The following SORBS2 variants were observed in gnomAD, a reference collection of about 807,000 sequenced individuals.
The protein encoded by SORBS2 is sorbin and SH3 domain-containing protein 2.
SORBS2 carries 46 observed loss-of-function variants against 97.7 expected under a neutral mutation model. That is an observed-to-expected ratio of 0.47 (90% CI 0.37 to 0.60). SORBS2 has a LOEUF of 0.60. SORBS2 is among the 20% of genes least tolerant of loss of function. SORBS2 has a pLI of 0.00. For missense variants in SORBS2, 1,316 were observed against 1,282.3 expected, an observed-to-expected ratio of 1.03 and a Z score of -0.40; for synonymous variants, 476 against 473.4, an observed-to-expected ratio of 1.01 and a Z score of -0.07.
At position 185,868,155 on chromosome 4, in the gene SORBS2, C is replaced by CTTTTTTTTTTTTTTTTTTTTT. The variant is rs1431293135; in HGVS notation, c.-338+88040_-338+88041insAAAAAAAAAAAAAAAAAAAAA. 2.2e-4 allele frequency among the ~76,000 whole-genome samples: 22 copies of CTTTTTTTTTTTTTTTTTTTTT among 100,718 alleles called. 3 individuals are homozygous for CTTTTTTTTTTTTTTTTTTTTT. Among genetic ancestry groups the CTTTTTTTTTTTTTTTTTTTTT allele is most frequent in the Non-Finnish European group, 3.2e-4 (17 of 53,306 alleles). The allele number at this position is 100,718 out of a possible 152,430, so 66.1% of individuals were successfully genotyped here. A position where few individuals can be genotyped will look rare whatever the true frequency, so the allele number is the denominator to read the frequency against. On this transcript the variant is annotated intron_variant, in intron 1 of 20. Transcript: ENST00000284776. ...CCTTTCTCTTTTCTTTTCTTTTTTT[C>CTTTTTTTTTTTTTTTTTTTTT]TTTCTTTTTTTTTTTTTTTGAGGCA...
chr4:185,593,596 C>T, intron 13 of SORBS2: 1 of 361,306 alleles, frequency 2.8e-6, no homozygotes, highest in East Asian at 5.5e-5. Flanking sequence ...ACACAGCCAG[C>T]AGAGCAGAGA....
intron 2 of SORBS2, among the ~76,000 whole-genome samples, chr4:185,769,049 A>G (rs2098954047): frequency 6.6e-6 from 1 of 152,190 alleles, no homozygotes; most frequent in Admixed American, 6.5e-5. Context: ...CATGAAATGT[A>G]CAAAATGATG....
At chr4:185,819,401 C>T (rs1457604160) in intron 1 of SORBS2, among the ~76,000 whole-genome samples, 3 of 152,184 alleles carry the variant, frequency 2.0e-5, no homozygotes, top group Non-Finnish European at 4.4e-5. Context: ...CTTGAGTTGG[C>T]CTCTTTGAAG....
exon 1 of SORBS2, chr4:185,656,696 T>C (rs1211433737): frequency 1.9e-6 from 3 of 1,549,344 alleles, no homozygotes; most frequent in African/African-American, 1.4e-5. Flanking sequence ...GTGGACTTGG[T>C]CAGCCAGCTG....
chr4:185,587,736 TC>T, intron 14 of SORBS2, 48 bp from the exon 27 acceptor site: 1 of 1,413,892 alleles, frequency 7.1e-7, no homozygotes, highest in Non-Finnish European at 1.0e-6. Flanking sequence ...CGATATCAGT[TC>T]ATACACATGG....
At chr4:185,879,143 G>A (rs1307777959) in intron 1 of SORBS2, among the ~76,000 whole-genome samples, 1 of 137,308 alleles carries the variant, frequency 7.3e-6, no homozygotes, top group Non-Finnish European at 1.5e-5. Flanking sequence ...TTTACATTAG[G>A]TATATCTCCT....
chr4:185,916,842 G>C (rs533666606), intron 1 of SORBS2, among the ~76,000 whole-genome samples: 1 of 152,166 alleles, frequency 6.6e-6, no homozygotes, highest in Non-Finnish European at 1.5e-5. Flanking sequence ...TATACAACTC[G>C]TCAAATCCTT....
chr4:185,918,934 T>G (rs2099259656), intron 1 of SORBS2, among the ~76,000 whole-genome samples: 1 of 152,194 alleles, frequency 6.6e-6, no homozygotes, highest in African/African-American at 2.4e-5. Flanking sequence ...GTAACTGGAA[T>G]GAGTCCACAG....
intron 1 of SORBS2, among the ~76,000 whole-genome samples, chr4:185,807,192 TA>T (rs1650927132): frequency 6.6e-6 from 1 of 152,180 alleles, no homozygotes; most frequent in South Asian, 2.1e-4. Flanking sequence ...TAAGTTTCCC[TA>T]AATTATAATA....
At position 185,728,676 on chromosome 4, in the gene SORBS2, T is replaced by C. The variant is rs1278526448; in HGVS notation, c.-198+46551A>G. Among the ~76,000 whole-genome samples the C allele has an allele frequency of 3.9e-5, 6 of 152,184 alleles. 1 individual carries two copies. Among genetic ancestry groups the C allele is most frequent in the Admixed American group, 3.3e-4 (5 of 15,276 alleles). ...CTAATTCTAAAGTTAATCATGGCGATTCTCAGATCAGGGAGAAAATTAATT... is the reference window on the plus strand; with the variant it reads ...CTAATTCTAAAGTTAATCATGGCGACTCTCAGATCAGGGAGAAAATTAATT... On this transcript the variant is annotated intron_variant, in intron 2 of 20. Transcript: ENST00000284776.
At chr4:185,724,007 A>C (rs1307639842) in intron 2 of SORBS2, among the ~76,000 whole-genome samples, 4 of 152,218 alleles carry the variant, frequency 2.6e-5, no homozygotes, top group African/African-American at 9.6e-5. Flanking sequence ...TCAGCACCTG[A>C]CATTCCAAGT....
At chr4:185,599,820 A>G (rs1400778436) in intron 12 of SORBS2, among the ~76,000 whole-genome samples, 1 of 152,212 alleles carries the variant, frequency 6.6e-6, no homozygotes, top group African/African-American at 2.4e-5. Context: ...TGGTCGCTTC[A>G]TCTTCAGGGT....
chr4:185,840,713 T>G (rs950343606), intron 1 of SORBS2, among the ~76,000 whole-genome samples: 3 of 152,264 alleles, frequency 2.0e-5, no homozygotes, highest in African/African-American at 7.2e-5. Flanking sequence ...ATGCACATTG[T>G]ACTTCTGTGT....
intron 5 of SORBS2, among the ~76,000 whole-genome samples, chr4:185,629,593 T>C (rs1265757934): frequency 3.3e-5 from 5 of 150,324 alleles, no homozygotes; most frequent in Non-Finnish European, 4.4e-5. Flanking sequence ...GACTGAGTCT[T>C]GCTGTGTTGC....
At chr4:185,734,523 A>G (rs954156205) in intron 2 of SORBS2, among the ~76,000 whole-genome samples, 4 of 152,178 alleles carry the variant, frequency 2.6e-5, no homozygotes, top group African/African-American at 7.2e-5. Context: ...TATTTCATAC[A>G]AAATTCCTCT....
At chr4:185,649,498 G>A in exon 3 of SORBS2, 1 of 1,593,272 alleles carries the variant, frequency 6.3e-7, no homozygotes, top group Non-Finnish European at 8.6e-7. Flanking sequence ...CTTGGTCGAA[G>A]CGGCGGGACT....
intron 2 of SORBS2, among the ~76,000 whole-genome samples, chr4:185,727,926 A>C (rs2098572582): frequency 6.6e-6 from 1 of 152,194 alleles, no homozygotes; most frequent in Admixed American, 6.5e-5. Context: ...TTATGATTAA[A>C]CCCATCCTTA....
At chr4:185,743,399 G>C (rs1030415012) in intron 2 of SORBS2, among the ~76,000 whole-genome samples, 2 of 152,092 alleles carry the variant, frequency 1.3e-5, no homozygotes, top group African/African-American at 4.8e-5. Context: ...TTGCTACCTG[G>C]GATGGTGAAG....
At chr4:185,915,471 A>G (rs1439989259) in intron 1 of SORBS2, among the ~76,000 whole-genome samples, 2 of 152,226 alleles carry the variant, frequency 1.3e-5, no homozygotes, top group African/African-American at 4.8e-5. Flanking sequence ...GAAAAAGCTA[A>G]CTACGAGGGT....
Sources: allele counts gnomAD v4.1 joint callset (sites outside exome capture counted in the v4.1 genomes callset), GRCh38; gene constraint gnomAD v4.1.1; transcripts MANE v1.5; gene names NCBI Gene and HGNC (gene_info 2026-07-23, HGNC 2026-07-21).